Variants in HYDIN observed in about 807,000 individuals in gnomAD.
HYDIN encodes the protein axonemal central pair apparatus protein HYDIN.
A neutral mutation model predicts 403.9 loss-of-function variants in HYDIN; 132 were observed. The ratio of observed to expected loss-of-function variants is 0.33; its 90% CI spans 0.28 to 0.38. The LOEUF (loss-of-function observed/expected upper bound fraction) is 0.38. Among genes scored for constraint, HYDIN ranks in the 10% least tolerant of loss-of-function variants. The pLI is 1.00. For missense variants in HYDIN, 2,827 were observed against 5,009.5 expected (o/e 0.56, Z 13.15); for synonymous variants, 1,202 against 1,891.7 (o/e 0.64, Z 9.46).
intron 23 of HYDIN, among the ~76,000 whole-genome samples, chr16:70,999,866 G>GC (rs2079645919): frequency 6.6e-6 from 1 of 152,136 alleles, no homozygotes; most frequent in African/African-American, 2.4e-5. Context: ...GGAGAAATGT[G>GC]CCCAGAATCT....
At chr16:70,894,392 C>T in intron 55 of HYDIN, 57 bp downstream of exon 55, 10 of 1,609,384 alleles carry the variant, frequency 6.2e-6, no homozygotes, top group Non-Finnish European at 8.5e-6. Context: ...TCATATTTCC[C>T]CACATTCCTC....
intron 5 of HYDIN, among the ~76,000 whole-genome samples, chr16:71,173,620 C>A (rs2086552133): frequency 1.3e-5 from 2 of 152,148 alleles, no homozygotes; most frequent in African/African-American, 4.8e-5. Flanking sequence ...TTCAAAAACT[C>A]TTAACATTCT....
At chr16:71,089,142 G>A (rs1400687726) in intron 11 of HYDIN, among the ~76,000 whole-genome samples, 3 of 150,164 alleles carry the variant, frequency 2.0e-5, no homozygotes, top group Admixed American at 2.0e-4. Flanking sequence ...TAGAAAAGTT[G>A]TACTCCTATA....
chr16:71,194,554 C>A (rs1167700279), intron 1 of HYDIN, among the ~76,000 whole-genome samples: 1 of 152,188 alleles, frequency 6.6e-6, no homozygotes, highest in Non-Finnish European at 1.5e-5. Flanking sequence ...GCCTCAGTTT[C>A]CTCACTAAAT....
rs1696843301 is a variant in HYDIN, at chr16:71,162,790, T to C, written c.517-60A>G. 4 of 589,276 alleles carry C rather than the reference T, an allele frequency of 6.8e-6. No homozygotes were observed. In the South Asian group the frequency reaches 8.3e-5, roughly 12 times the overall value. 36.5% of individuals were successfully genotyped at this position (589,276 alleles called of 1,614,324 possible). A position where few individuals can be genotyped will look rare whatever the true frequency, so the allele number is the denominator to read the frequency against. Reference sequence around the variant, plus strand: ...AAAGCAACATGATCACGATAACTGTTCAAGAAAAGGGTCGATGAGAGGCAT... The same window carrying C: ...AAAGCAACATGATCACGATAACTGTCCAAGAAAAGGGTCGATGAGAGGCAT... On this transcript the variant is annotated intron_variant, in intron 5 of 85. Coordinates refer to ENST00000393567, the MANE Select transcript of HYDIN (RefSeq NM_001270974.2).
intron 41 of HYDIN, among the ~76,000 whole-genome samples, chr16:70,945,539 C>T (rs2077828002): frequency 6.6e-6 from 1 of 152,138 alleles, no homozygotes; most frequent in African/African-American, 2.4e-5. Context: ...AGTAATGCAA[C>T]TGAGTGAGAT....
At chr16:71,192,724 T>C (rs1453324726) in intron 1 of HYDIN, among the ~76,000 whole-genome samples, 1 of 152,156 alleles carries the variant, frequency 6.6e-6, no homozygotes, top group Non-Finnish European at 1.5e-5. Flanking sequence ...TGGTTATTGA[T>C]CTATCTCTCT....
At chr16:71,003,564 C>T (rs1409463912) in intron 23 of HYDIN, among the ~76,000 whole-genome samples, 3 of 151,780 alleles carry the variant, frequency 2.0e-5, no homozygotes, top group Non-Finnish European at 4.4e-5. Flanking sequence ...CTTTGGGAGG[C>T]TGAGGTGGGT....
chr16:71,019,568 C>T (rs1407893008), intron 22 of HYDIN, among the ~76,000 whole-genome samples: 1 of 152,276 alleles, frequency 6.6e-6, no homozygotes, highest in Non-Finnish European at 1.5e-5. Flanking sequence ...ATCTGTAGCA[C>T]TCGGTATCGC....
intron 1 of HYDIN, among the ~76,000 whole-genome samples, chr16:71,203,450 T>C (rs1280005843): frequency 6.6e-6 from 1 of 152,218 alleles, no homozygotes; most frequent in Non-Finnish European, 1.5e-5. Context: ...AAATAACCAC[T>C]ATGCAATGGT....
rs759374087 is a variant in HYDIN, at chr16:70,981,390, C to T, written c.4510+1G>A. 1.9e-6 allele frequency: 3 copies of T among 1,612,972 alleles called. No homozygotes were observed. The highest frequency in any genetic ancestry group is 2.5e-6 in the Non-Finnish European group (3 of 1,179,494). On this transcript the variant is annotated splice_donor_variant, in intron 29 of 85. Coordinates refer to ENST00000393567, the MANE Select transcript of HYDIN (RefSeq NM_001270974.2). LOFTEE classifies it high-confidence loss of function. ...GGAACTACTCCAGTGTGAAGTACTA[C>T]CTGTGAGGTTCCTGGGGAGATCGAG...
intron 7 of HYDIN, among the ~76,000 whole-genome samples, chr16:71,140,032 G>C (rs572381627): frequency 0.011 from 1,650 of 150,080 alleles, 27 homozygotes; most frequent in African/African-American, 0.038. Flanking sequence ...TCCACACTTG[G>C]AATTACACCT....
In HYDIN at chr16:71,069,443, T is replaced by C; in HGVS notation, c.1798A>G (p.Lys600Glu). 6.2e-7 allele frequency: 1 copy of C among 1,614,024 alleles called. No homozygotes were observed. Among genetic ancestry groups the C allele is most frequent in the South Asian group, 1.1e-5 (1 of 91,052 alleles). ...NNTSLIPMTY[K>E]LRIPGDGLGH... ...AGGCCATCCCCAGGGATACGCAGTT[T>C]GTAAGTCATGGGGATCAAAGAGGTA... The change falls in exon 14 of 86, where the codon AAA (lysine) becomes GAA (glutamate). Residue 600 changes from lysine to glutamate, a missense_variant. By Grantham distance (56) the Lys-to-Glu change is moderately conservative. Transcript: ENST00000393567.
chr16:70,930,994 A>T (rs1375696635), intron 45 of HYDIN, among the ~76,000 whole-genome samples: 5 of 152,120 alleles, frequency 3.3e-5, no homozygotes. Context: ...GACAAGAACT[A>T]TATGCAGCTA....
intron 12 of HYDIN, among the ~76,000 whole-genome samples, chr16:71,081,875 T>A (rs2082795779): frequency 6.9e-6 from 1 of 144,724 alleles, no homozygotes; most frequent in South Asian, 2.2e-4. Context: ...GGTTCAAACT[T>A]TATAAAATCA....
chr16:71,214,083 A>T (rs2144739403), intron 1 of HYDIN, among the ~76,000 whole-genome samples: 1 of 152,278 alleles, frequency 6.6e-6, no homozygotes, highest in Admixed American at 6.5e-5. Context: ...ATATTGCTAA[A>T]TATAAAATAA....
intron 8 of HYDIN, among the ~76,000 whole-genome samples, chr16:71,136,137 G>T (rs946760923): frequency 7.4e-6 from 1 of 135,778 alleles, no homozygotes; most frequent in Non-Finnish European, 1.6e-5. Context: ...GCTTAAAAGA[G>T]GCAAGCATGG....
intron 1 of HYDIN, 78 bp downstream of exon 1, chr16:71,230,484 G>A: frequency 6.9e-7 from 1 of 1,445,672 alleles, no homozygotes; most frequent in South Asian, 1.4e-5. Context: ...CGAGGACGAG[G>A]ACGAAAAGAG....
Position 70,943,899 on chromosome 16 carries a change from A to G in HYDIN, c.6582T>C (p.Val2194=). 6.2e-7 allele frequency: 1 copy of G among 1,613,710 alleles called. No homozygotes were observed. ...PPGPIHRWLS[V]SPSVGGETGL... ...CGGTCTCGCCTCCGACACTGGGACT[A>G]ACACTGAGCCAGCGGTGGATGGGCC... The change falls in exon 42 of 86, where the codon GTT becomes GTC. Residue 2194 remains valine (V), a synonymous_variant. Transcript: ENST00000393567.
Sources: gnomAD v4.1 joint callset for allele counts (sites outside exome capture counted in the v4.1 genomes callset) on GRCh38, gnomAD v4.1.1 for gene constraint, MANE v1.5 for transcripts, NCBI Gene and HGNC (gene_info 2026-07-23, HGNC 2026-07-21) for gene names.